DCDC2: variants seen among roughly 807,000 people sequenced by gnomAD.
The protein encoded by DCDC2 is doublecortin domain-containing protein 2.
In DCDC2, 40 loss-of-function variants were observed where a neutral mutation model predicts 50.2. The ratio of observed to expected loss-of-function variants is 0.80; its 90% confidence interval spans 0.62 to 1.04. DCDC2 has a LOEUF of 1.04. DCDC2 is among the 50% of genes least tolerant of loss of function. The probability of loss-of-function intolerance (pLI) is 0.00; values close to 1 mark genes in which losing one functional copy is unlikely to be tolerated. For synonymous variants in DCDC2, 234 were observed against 210.6 expected, an observed-to-expected ratio of 1.11 and a Z score of -0.96; for missense variants, 570 against 581.9, an observed-to-expected ratio of 0.98 and a Z score of 0.21.
chr6:24,209,227 A>G (rs752921690), intron 7 of DCDC2, among the ~76,000 whole-genome samples: 2 of 152,222 alleles, frequency 1.3e-5, no homozygotes, highest in Non-Finnish European at 2.9e-5. Context: ...TTCCAAAAGT[A>G]TTACCCTTTT....
chr6:24,212,332 C>T (rs906107739), intron 7 of DCDC2, among the ~76,000 whole-genome samples: 1 of 152,162 alleles, frequency 6.6e-6, no homozygotes, highest in Non-Finnish European at 1.5e-5. Context: ...CAGATACCTG[C>T]TGGGCAAAAA....
At chr6:24,344,212 A>T (rs933432264) in intron 2 of DCDC2, among the ~76,000 whole-genome samples, 1 of 152,134 alleles carries the variant, frequency 6.6e-6, no homozygotes, top group Non-Finnish European at 1.5e-5. Context: ...ATTGCTACTC[A>T]GCCATAAAAA....
chr6:24,317,368 T>G (rs1759691454), intron 2 of DCDC2, among the ~76,000 whole-genome samples: 1 of 152,026 alleles, frequency 6.6e-6, no homozygotes. Context: ...TATGATGAAG[T>G]TGGCATTTCA....
At chr6:24,353,165 G>T in intron 2 of DCDC2, 1 of 379,974 alleles carries the variant, frequency 2.6e-6, no homozygotes. Context: ...AAAGCCTCAG[G>T]GGCAGTTAGG....
intron 7 of DCDC2, among the ~76,000 whole-genome samples, chr6:24,218,720 C>T (rs1048675672): frequency 6.6e-6 from 1 of 152,164 alleles, no homozygotes; most frequent in Non-Finnish European, 1.5e-5. Flanking sequence ...AACTCCTGGG[C>T]TCGAGTAATC....
At position 24,174,546 on chromosome 6, in the gene DCDC2, T is replaced by A. The variant is rs1383903914; in HGVS notation, c.*184A>T. 2.2e-6 allele frequency: 1 copy of A among 448,808 alleles called. No homozygotes were observed. The highest frequency in any genetic ancestry group is 4.0e-6 in the Non-Finnish European group (1 of 252,138). The allele number at this position is 448,808 out of a possible 1,614,324, so 27.8% of individuals were successfully genotyped here. ...TTAAAACACATGCAATAAAAGTAAG[T>A]AATTATCCTTTAGTAGCCATTTAAA... On this transcript the variant is annotated 3_prime_UTR_variant, in exon 10 of 10. Transcript: ENST00000378454.
At chr6:24,255,108 A>T (rs905566194) in intron 7 of DCDC2, among the ~76,000 whole-genome samples, 5 of 152,144 alleles carry the variant, frequency 3.3e-5, no homozygotes, top group African/African-American at 1.2e-4. Flanking sequence ...GTGCAGTACA[A>T]AGATAGACAA....
upstream of DCDC2, among the ~76,000 whole-genome samples, chr6:24,359,350 ATT>A (rs1356477505): frequency 1.7e-5 from 1 of 58,896 alleles, no homozygotes; most frequent in Non-Finnish European, 2.7e-5. Flanking sequence ...TATTATATAT[ATT>A]TTATGTATAT....
intron 6 of DCDC2, among the ~76,000 whole-genome samples, chr6:24,288,056 G>C (rs1763651326): frequency 6.6e-6 from 1 of 152,190 alleles, no homozygotes; most frequent in South Asian, 2.1e-4. Flanking sequence ...CAAAAAAAAG[G>C]AGGGATCTAA....
At chr6:24,310,218 T>A (rs1759548076) in intron 2 of DCDC2, among the ~76,000 whole-genome samples, 1 of 152,232 alleles carries the variant, frequency 6.6e-6, no homozygotes, top group Admixed American at 6.5e-5. Context: ...TAATATCTGA[T>A]GTGCTAAAAT....
In DCDC2 at chr6:24,357,505, GC is replaced by G. The variant is rs751746133; in HGVS notation, c.245del (p.Ser82ThrfsTer21). 1.9e-6 allele frequency: 3 copies of G among 1,612,216 alleles called. No individual in the cohort carries two copies. Among genetic ancestry groups the G allele is most frequent in the Non-Finnish European group, 2.5e-6 (3 of 1,179,052 alleles). The part of the protein sequence containing the change: ...HRIRKLDQIQ[S>X]GGNYVAGGQE... Reference sequence around the variant, plus strand: ...GGCCTCCAGCCACGTAATTGCCCCCGCTCTGGATCTGGTCTAGCTTCCGGAT... The same window carrying G: ...GGCCTCCAGCCACGTAATTGCCCCCGTCTGGATCTGGTCTAGCTTCCGGAT... On this transcript the variant is annotated frameshift_variant, in exon 1 of 10. Coordinates refer to ENST00000378454, the MANE Select transcript of DCDC2 (RefSeq NM_016356.5). LOFTEE classifies it high-confidence loss of function.
intron 4 of DCDC2, 86 bp from the exon 5 acceptor site, chr6:24,291,164 AAAAATT>A: frequency 7.5e-7 from 1 of 1,341,068 alleles, no homozygotes; most frequent in East Asian, 2.4e-5. Context: ...TGGATGTCAA[AAAAATT>A]AAAATTACAT....
the DCDC2 span, among the ~76,000 whole-genome samples, chr6:24,377,526 A>C: frequency 6.6e-6 from 1 of 152,252 alleles, no homozygotes; most frequent in Non-Finnish European, 1.5e-5. Flanking sequence ...AAATGTCATT[A>C]TACTTCAAAA....
intron 7 of DCDC2, 35 bp downstream of exon 7, chr6:24,278,014 G>A: frequency 6.6e-7 from 1 of 1,521,964 alleles, no homozygotes. Context: ...AATTAAAATT[G>A]TATCACAGCC....
rs895260959 is a variant in DCDC2, at chr6:24,327,461, T to G, written c.349-25417A>C. Among the ~76,000 whole-genome samples, 32 of 134,748 alleles carry G rather than the reference T, an allele frequency of 2.4e-4. 6 individuals carry two copies. The East Asian group carries it at 5.4e-3, about 23-fold the overall frequency. The allele number at this position is 134,748 out of a possible 152,430, so 88.4% of individuals were successfully genotyped here. A position where few individuals can be genotyped will look rare whatever the true frequency, so the allele number is the denominator to read the frequency against. Reference sequence around the variant, plus strand: ...TCAATCAACATTATAAACTTATTTATTTATTTATTTATTTATTTATTTATT... The same window carrying G: ...TCAATCAACATTATAAACTTATTTAGTTATTTATTTATTTATTTATTTATT... On this transcript the variant is annotated intron_variant, in intron 2 of 9. Transcript: ENST00000378454.
rs1272829588 is a variant in DCDC2 at position 24,316,075 on chromosome 6, GA to G, written c.349-14032del. ...GACAGTGATGCTGTCTACTGGGACA[GA>G]GAACATTTGCACTTGCTGTGGATCC... is the stretch of plus-strand genomic sequence containing the variant. On this transcript the variant is annotated intron_variant, in intron 2 of 9. Coordinates refer to ENST00000378454, the MANE Select transcript of DCDC2 (RefSeq NM_016356.5). 2.6e-5 allele frequency among the ~76,000 whole-genome samples: 4 copies of G among 152,298 alleles called. No homozygotes were observed. The East Asian group carries it at 7.7e-4, about 29-fold the overall frequency.
chr6:24,361,304 GA>G (rs1442788249), upstream of DCDC2, among the ~76,000 whole-genome samples: 2 of 151,908 alleles, frequency 1.3e-5, no homozygotes, highest in African/African-American at 4.8e-5. Context: ...GAGAGGAGCA[GA>G]AAAAATAACT....
intron 2 of DCDC2, among the ~76,000 whole-genome samples, chr6:24,338,028 C>T (rs1376500700): frequency 6.6e-6 from 1 of 152,184 alleles, no homozygotes; most frequent in Non-Finnish European, 1.5e-5. Context: ...GGAAACGCTT[C>T]CTTCTGCATT....
At chr6:24,369,502 C>A in the DCDC2 span, among the ~76,000 whole-genome samples, 3 of 151,718 alleles carry the variant, frequency 2.0e-5, no homozygotes, top group Admixed American at 2.0e-4. Context: ...CCCAGCTACT[C>A]AGGAGGCTGA....
Sources: gnomAD v4.1 joint callset for allele counts (sites outside exome capture counted in the v4.1 genomes callset) on GRCh38, gnomAD v4.1.1 for gene constraint, MANE v1.5 for transcripts, NCBI Gene and HGNC (gene_info 2026-07-23, HGNC 2026-07-21) for gene names.